The following COX7B2 variants were observed in gnomAD, a reference collection of about 807,000 sequenced individuals.
COX7B2 encodes cytochrome c oxidase subunit 7B2, mitochondrial.
For missense variants in COX7B2, 109 were observed against 95.9 expected (o/e 1.14, Z -0.57); for synonymous variants, 37 against 32.1 (o/e 1.15, Z -0.51).
chr4:46,855,661 C>T (rs955457779), intron 1 of COX7B2, among the ~76,000 whole-genome samples: 8 of 151,832 alleles, frequency 5.3e-5, no homozygotes, highest in African/African-American at 1.7e-4. Flanking sequence ...TAACAAGACC[C>T]AAATTTGTTG....
At position 46,862,408 on chromosome 4, in the gene COX7B2, C is replaced by A. The variant is rs184302783; in HGVS notation, c.-104-17394G>T. On this transcript the variant is annotated intron_variant, in intron 1 of 2. Transcript: ENST00000355591. ...GGTAAAAGCAAATGGGTAAGTGTTC[C>A]GTCTTTCTGTGTGTATACACATATT... is the stretch of plus-strand genomic sequence containing the variant. Among the ~76,000 whole-genome samples the A allele has an allele frequency of 3.3e-5, 5 of 151,890 alleles. No individual in the cohort carries two copies. In the South Asian group the frequency reaches 1.0e-3, roughly 32 times the overall value.
chr4:46,859,262 C>T (rs966653599), intron 1 of COX7B2, among the ~76,000 whole-genome samples: 2 of 152,148 alleles, frequency 1.3e-5, no homozygotes, highest in East Asian at 3.9e-4. Context: ...ACTGCCATAG[C>T]CACAGGTACA....
At chr4:46,886,522 T>A (rs1389664989) in intron 1 of COX7B2, among the ~76,000 whole-genome samples, 1 of 152,182 alleles carries the variant, frequency 6.6e-6, no homozygotes, top group Non-Finnish European at 1.5e-5. Context: ...TTCATACTCA[T>A]TAAACAACTC....
rs149051943 is a variant in COX7B2 at position 46,881,988 on chromosome 4, G to A, written c.-105+27172C>T. 3.9e-3 allele frequency among the ~76,000 whole-genome samples: 599 copies of A among 152,150 alleles called. 6 individuals carry two copies. The highest frequency in any genetic ancestry group is 0.014 in the African/African-American group (579 of 41,494). ...TTCTGTGTCCCAGAGATTCTGCTAC[G>A]TTGTATCTTTGTTCTCATTAGTTTT... On this transcript the variant is annotated intron_variant, in intron 1 of 2. Transcript: ENST00000355591.
intron 2 of COX7B2, among the ~76,000 whole-genome samples, chr4:46,800,301 G>A (rs1346182019): frequency 6.6e-6 from 1 of 151,996 alleles, no homozygotes; most frequent in Non-Finnish European, 1.5e-5. Context: ...AAATGAGTCA[G>A]AACAGCCAAA....
chr4:46,820,731 G>T (rs1300690545), intron 2 of COX7B2, among the ~76,000 whole-genome samples: 1 of 150,500 alleles, frequency 6.6e-6, no homozygotes, highest in African/African-American at 2.4e-5. Context: ...TGAGGCAGAA[G>T]AATCACTGGA....
chr4:46,794,689 C>T (rs2109597754), intron 2 of COX7B2, among the ~76,000 whole-genome samples: 1 of 152,176 alleles, frequency 6.6e-6, no homozygotes, highest in South Asian at 2.1e-4. Context: ...CACTCAACTG[C>T]CAAAGACAAG....
intron 1 of COX7B2, among the ~76,000 whole-genome samples, chr4:46,886,276 A>G (rs1719077307): frequency 6.6e-6 from 1 of 152,210 alleles, no homozygotes; most frequent in African/African-American, 2.4e-5. Context: ...TTGATATTTC[A>G]TAGTTGTATA....
At chr4:46,773,498 A>G (rs924076908) in intron 2 of COX7B2, among the ~76,000 whole-genome samples, 1 of 152,146 alleles carries the variant, frequency 6.6e-6, no homozygotes, top group Non-Finnish European at 1.5e-5. Flanking sequence ...TCCTTTGTAA[A>G]TTACCCAGTC....
chr4:46,814,666 A>G (rs1402376904), intron 2 of COX7B2, among the ~76,000 whole-genome samples: 2 of 152,202 alleles, frequency 1.3e-5, no homozygotes, highest in African/African-American at 2.4e-5. Flanking sequence ...CTCCTTGGCA[A>G]TGAATGATTT....
At chr4:46,836,446 A>G (rs2109742930) in intron 2 of COX7B2, among the ~76,000 whole-genome samples, 1 of 152,118 alleles carries the variant, frequency 6.6e-6, no homozygotes, top group Non-Finnish European at 1.5e-5. Context: ...CATCAATATT[A>G]CTATCTTCCA....
intron 2 of COX7B2, among the ~76,000 whole-genome samples, chr4:46,754,098 C>T (rs575023220): frequency 5.1e-4 from 77 of 152,244 alleles, no homozygotes; most frequent in African/African-American, 1.7e-3. Context: ...AATAGGAACA[C>T]TTTTACACTA....
At chr4:46,887,197 A>G (rs1240819268) in intron 1 of COX7B2, among the ~76,000 whole-genome samples, 1 of 152,184 alleles carries the variant, frequency 6.6e-6, no homozygotes, top group Non-Finnish European at 1.5e-5. Flanking sequence ...TTTCATGTAC[A>G]TTTTCCATTG....
At chr4:46,885,177 C>A (rs900153912) in intron 1 of COX7B2, among the ~76,000 whole-genome samples, 1 of 152,000 alleles carries the variant, frequency 6.6e-6, no homozygotes, top group Non-Finnish European at 1.5e-5. Context: ...CCGTTTCCCA[C>A]TCCTTTCACA....
intron 2 of COX7B2, among the ~76,000 whole-genome samples, chr4:46,822,006 G>T (rs1431944059): frequency 1.3e-5 from 2 of 152,152 alleles, no homozygotes; most frequent in African/African-American, 4.8e-5. Context: ...CTACTTCCTG[G>T]GTTCAAGCGA....
chr4:46,865,126 G>T (rs1717587409), intron 1 of COX7B2, among the ~76,000 whole-genome samples: 1 of 152,070 alleles, frequency 6.6e-6, no homozygotes, highest in Non-Finnish European at 1.5e-5. Flanking sequence ...CCCCTTCTGA[G>T]TATTATATTA....
rs78980305 is a variant in COX7B2, at chr4:46,846,755, G to A, written c.-104-1741C>T. Among the ~76,000 whole-genome samples, 915 of 152,158 alleles carry A rather than the reference G, an allele frequency of 6.0e-3. 4 individuals are homozygous for A. Among genetic ancestry groups the A allele is most frequent in the African/African-American group, 0.021 (860 of 41,540 alleles). On this transcript the variant is annotated intron_variant, in intron 1 of 2. Transcript: ENST00000355591. ...AAAACAGGAAGCATTTTTACAAAGT[G>A]GAGAGAAATGGTCAGAGACTGAATA...
intron 1 of COX7B2, among the ~76,000 whole-genome samples, chr4:46,889,571 C>A (rs149630010): frequency 2.5e-3 from 376 of 152,214 alleles, no homozygotes; most frequent in African/African-American, 8.5e-3. Context: ...ATATTAGCCA[C>A]AGAGAGGTGA....
chr4:46,848,381 A>C (rs1716433435), intron 1 of COX7B2, among the ~76,000 whole-genome samples: 1 of 152,090 alleles, frequency 6.6e-6, no homozygotes, highest in Non-Finnish European at 1.5e-5. Flanking sequence ...TATTATGCGA[A>C]AGGCCCTGAA....
Sources: allele counts gnomAD v4.1 joint callset (sites outside exome capture counted in the v4.1 genomes callset), GRCh38; gene constraint gnomAD v4.1.1; transcripts MANE v1.5; gene names NCBI Gene and HGNC (gene_info 2026-07-23, HGNC 2026-07-21).